TRIM61: variants seen among roughly 807,000 people sequenced by gnomAD.
TRIM61 encodes the protein putative tripartite motif-containing protein 61.
TRIM61 carries 1 observed loss-of-function variant against 14.2 expected under a neutral mutation model. The ratio of observed to expected loss-of-function variants is 0.07; its 90% CI spans 0.03 to 0.33. The LOEUF is 0.33. TRIM61 is among the 10% of genes least tolerant of loss of function. The pLI is 0.99. For synonymous variants in TRIM61, 8 were observed against 71.6 expected, an observed-to-expected ratio of 0.11 and a Z score of 4.49; for missense variants, 19 against 202.2, an observed-to-expected ratio of 0.09 and a Z score of 5.49.
chr4:164,970,552 C>T (rs1732341274), intron 2 of TRIM61, among the ~76,000 whole-genome samples: 1 of 151,590 alleles, frequency 6.6e-6, no homozygotes, highest in Admixed American at 6.6e-5. Context: ...TGATAGGATG[C>T]TATGGCAAGT....
intron 2 of TRIM61, among the ~76,000 whole-genome samples, chr4:164,975,513 T>G (rs1732462721): frequency 6.6e-6 from 1 of 152,202 alleles, no homozygotes. Flanking sequence ...CCCCAGCCAC[T>G]TTGACTCAAC....
At chr4:164,962,289 T>C (rs1401114431) in intron 3 of TRIM61, among the ~76,000 whole-genome samples, 1 of 151,068 alleles carries the variant, frequency 6.6e-6, no homozygotes, top group East Asian at 1.9e-4. Context: ...GGTGCGATCT[T>C]GGCTCACTGC....
chr4:164,968,276 A>AT lies in TRIM61; in HGVS notation c.525+1201_525+1202insA. On this transcript the variant is annotated intron_variant, in intron 3 of 4. Transcript: ENST00000329314. ...ATCTTTCTTAAAGGAAAAGTATATA[A>AT]GAAATACAGAAAAAAATTACTGGGC... 1 of 461,404 alleles carries AT rather than the reference A, an allele frequency of 2.2e-6. No individual in the cohort carries two copies. Among genetic ancestry groups the AT allele is most frequent in the African/African-American group, 3.5e-5 (1 of 28,870 alleles). 28.6% of individuals were successfully genotyped at this position (461,404 alleles called of 1,614,324 possible).
intron 3 of TRIM61, chr4:164,968,877 T>A: frequency 1.0e-6 from 1 of 988,784 alleles, no homozygotes; most frequent in African/African-American, 1.7e-5. Flanking sequence ...GGTTGACTCT[T>A]CCTCCTTCTG....
chr4:164,969,364 TA>T (rs1357035618), intron 3 of TRIM61: 1 of 1,559,396 alleles, frequency 6.4e-7, no homozygotes, highest in Admixed American at 2.0e-5. Flanking sequence ...TTAGTTGTGC[TA>T]AAATATCCAT....
At chr4:164,962,600 A>G (rs1379520437) in intron 3 of TRIM61, among the ~76,000 whole-genome samples, 2 of 152,040 alleles carry the variant, frequency 1.3e-5, no homozygotes, top group East Asian at 3.9e-4. Flanking sequence ...TCTATAACCA[A>G]TTAGCATATT....
At chr4:164,964,205 G>A (rs764977153) in intron 3 of TRIM61, among the ~76,000 whole-genome samples, 4 of 151,522 alleles carry the variant, frequency 2.6e-5, no homozygotes, top group Admixed American at 6.6e-5. Context: ...AAAATTCGCC[G>A]GGCTTGGTGG....
At chr4:164,977,174 A>AG (rs893190793) in intron 1 of TRIM61, among the ~76,000 whole-genome samples, 15 of 152,178 alleles carry the variant, frequency 9.9e-5, no homozygotes, top group African/African-American at 3.6e-4. Context: ...ACATAGGTCG[A>AG]GGGTGCAGAC....
intron 3 of TRIM61, among the ~76,000 whole-genome samples, chr4:164,964,286 T>G (rs188682438): frequency 0.022 from 3,243 of 149,400 alleles, 64 homozygotes; most frequent in Non-Finnish European, 0.032. Flanking sequence ...AGGCGAAGCT[T>G]GCAGTGAGCC....
In TRIM61 at chr4:164,969,872, C is replaced by A; in HGVS notation, c.131G>T (p.Trp44Leu). ...GGGGAAACTATCATGTAGATCCTTC[C>A]AGGACATAATGATGCAGGAGAGACA... is the stretch of plus-strand genomic sequence containing the variant. The change falls in exon 3 of 5, where the codon TGG becomes TTG. Residue 44 changes from tryptophan (W) to leucine (L), a missense_variant. Physicochemically the swap from Trp to Leu is moderately conservative, Grantham distance 61. Around this residue, in one of 2 missense-constraint regions of TRIM61, gnomAD observed 17 missense variants for 105.5 expected, o/e 0.16. Transcript: ENST00000329314. 4 of 1,613,968 alleles carry A rather than the reference C, an allele frequency of 2.5e-6. No homozygotes were observed. The South Asian group carries it at 3.3e-5, about 13-fold the overall frequency.
At chr4:164,957,010 T>C (rs3733420) in intron 3 of TRIM61, 170,368 of 1,481,972 alleles carry the variant, frequency 0.11, 13,950 homozygotes, top group East Asian at 0.48. Flanking sequence ...GGCAGCGCCA[T>C]GTACCACAGT....
intron 3 of TRIM61, among the ~76,000 whole-genome samples, chr4:164,967,746 C>A (rs773805306): frequency 6.6e-6 from 1 of 151,902 alleles, no homozygotes; most frequent in African/African-American, 2.4e-5. Flanking sequence ...ATGCCTGTAA[C>A]CCCAGTGCTT....
chr4:164,969,084 T>C (rs1481901751), intron 3 of TRIM61: 4 of 1,090,938 alleles, frequency 3.7e-6, no homozygotes, highest in Admixed American at 4.9e-5. Flanking sequence ...ACTATAAGTT[T>C]ACGATGTGCT....
At chr4:164,967,319 A>C (rs1732264372) in intron 3 of TRIM61, among the ~76,000 whole-genome samples, 1 of 152,236 alleles carries the variant, frequency 6.6e-6, no homozygotes, top group African/African-American at 2.4e-5. Flanking sequence ...AAGATACAAC[A>C]TAATCCCATC....
intron 3 of TRIM61, chr4:164,969,116 T>A: frequency 9.0e-7 from 1 of 1,112,692 alleles, no homozygotes; most frequent in South Asian, 2.4e-5. Context: ...TAGAATTACA[T>A]CTACTTGAAA....
At chr4:164,957,452 G>C (rs1732035917) in intron 3 of TRIM61, 1 of 1,613,936 alleles carries the variant, frequency 6.2e-7, no homozygotes. Flanking sequence ...TAGAGGGTTT[G>C]GGTCTGCAGT....
chr4:164,976,535 A>G lies in TRIM61; in HGVS notation c.-338+153T>C, dbSNP rs74595019. 3.4e-3 allele frequency among the ~76,000 whole-genome samples: 517 copies of G among 152,298 alleles called. 1 individual carries two copies. The highest frequency in any genetic ancestry group is 5.9e-3 in the Non-Finnish European group (400 of 68,010). Reference sequence around the variant, plus strand: ...GTCACCACCCTAGTTTAAACCACTTATGTCTCTCTCCTAGATACACAATGG... The same window carrying G: ...GTCACCACCCTAGTTTAAACCACTTGTGTCTCTCTCCTAGATACACAATGG... On this transcript the variant is annotated intron_variant, in intron 2 of 4. Transcript: ENST00000329314.
chr4:164,974,511 C>T (rs1291132371), intron 2 of TRIM61, among the ~76,000 whole-genome samples: 6 of 152,110 alleles, frequency 3.9e-5, no homozygotes, highest in East Asian at 1.9e-4. Context: ...GGAACCAATG[C>T]CCTGTGTATA....
At chr4:164,958,483 T>C (rs1732063998) in intron 3 of TRIM61, 1 of 167,014 alleles carries the variant, frequency 6.0e-6, no homozygotes, top group Non-Finnish European at 1.5e-5. Context: ...AAGGATGAAT[T>C]ATTTGAAAGC....
Sources: gnomAD v4.1 joint callset for allele counts (sites outside exome capture counted in the v4.1 genomes callset) on GRCh38, gnomAD v4.1.1 for gene constraint, gnomAD v4.1.1 regional missense constraint, MANE v1.5 for transcripts, NCBI Gene and HGNC (gene_info 2026-07-23, HGNC 2026-07-21) for gene names.